GUCY1A2: variants seen among roughly 807,000 people sequenced by gnomAD.
The protein encoded by GUCY1A2 is guanylate cyclase soluble subunit alpha-2.
Under a neutral mutation model 63.5 loss-of-function variants are expected in GUCY1A2, and 27 were observed. The observed-to-expected ratio is 0.43, with a 90% confidence interval of 0.31 to 0.59. GUCY1A2 has a LOEUF of 0.59. Ranked by LOEUF, GUCY1A2 falls within the 20% of genes least tolerant of loss-of-function variation. The pLI is 0.11. For synonymous variants in GUCY1A2, 364 were observed against 343.5 expected (o/e 1.06, Z -0.66); for missense variants, 768 against 913.3 (o/e 0.84, Z 2.05).
chr11:106,923,083 T>C (rs540672581), intron 4 of GUCY1A2, among the ~76,000 whole-genome samples: 1 of 152,278 alleles, frequency 6.6e-6, no homozygotes, highest in African/African-American at 2.4e-5. Flanking sequence ...ATGATTTCAT[T>C]AGGGTTTTCT....
chr11:106,907,763 C>A (rs1194991234), intron 4 of GUCY1A2, among the ~76,000 whole-genome samples: 1 of 152,064 alleles, frequency 6.6e-6, no homozygotes, highest in Non-Finnish European at 1.5e-5. Context: ...GCATAGTATT[C>A]CATGGTGTAT....
At chr11:106,725,929 G>A (rs1162447111) in intron 6 of GUCY1A2, among the ~76,000 whole-genome samples, 1 of 152,020 alleles carries the variant, frequency 6.6e-6, no homozygotes, top group Non-Finnish European at 1.5e-5. Context: ...TGGGGGCAGG[G>A]AGAGGACGAG....
intron 6 of GUCY1A2, among the ~76,000 whole-genome samples, chr11:106,736,056 C>A (rs1863584462): frequency 6.6e-6 from 1 of 152,008 alleles, no homozygotes; most frequent in African/African-American, 2.4e-5. Flanking sequence ...AGATAGTTTG[C>A]AAATATTTTC....
At position 106,687,752 on chromosome 11, in the gene GUCY1A2, A is replaced by G. The variant is rs766723435; in HGVS notation, c.1996T>C (p.Leu666=). 2.5e-6 allele frequency: 4 copies of G among 1,600,668 alleles called. No individual in the cohort carries two copies. Among genetic ancestry groups the G allele is most frequent in the Non-Finnish European group, 8.6e-7 (1 of 1,167,748 alleles). ...INVSPTTYQL[L]KREESFTFIP... ...AATGTGAAACTTTCTTCTCGTTTTA[A>G]TAATCTAAGAAGAAAATACAGAGCA... is the stretch of plus-strand genomic sequence containing the variant. The change falls in exon 8 of 8, where the codon TTA becomes CTA. Residue 666 remains leucine (L), a synonymous_variant. Transcript: ENST00000526355.
chr11:106,997,949 C>A (rs535095538), intron 1 of GUCY1A2, among the ~76,000 whole-genome samples: 4 of 152,076 alleles, frequency 2.6e-5, no homozygotes, highest in Admixed American at 2.0e-4. Context: ...CAATCTCTCA[C>A]AGTCCTGAGG....
At chr11:106,770,612 T>C (rs1864239174) in intron 6 of GUCY1A2, among the ~76,000 whole-genome samples, 1 of 151,804 alleles carries the variant, frequency 6.6e-6, no homozygotes, top group African/African-American at 2.4e-5. Flanking sequence ...AGAGAATAAT[T>C]ATTGCATAAT....
At chr11:107,008,632 G>T (rs144550572) in intron 1 of GUCY1A2, among the ~76,000 whole-genome samples, 1 of 152,030 alleles carries the variant, frequency 6.6e-6, no homozygotes, top group Non-Finnish European at 1.5e-5. Flanking sequence ...CTAGGCATGC[G>T]CATACATAGA....
intron 4 of GUCY1A2, among the ~76,000 whole-genome samples, chr11:106,894,516 T>C (rs1005561662): frequency 6.6e-6 from 1 of 152,122 alleles, no homozygotes; most frequent in Non-Finnish European, 1.5e-5. Context: ...CAAGTTCACA[T>C]GGAATGTTCA....
At chr11:106,912,862 CA>C (rs1369098864) in intron 4 of GUCY1A2, among the ~76,000 whole-genome samples, 1 of 152,146 alleles carries the variant, frequency 6.6e-6, no homozygotes, top group Non-Finnish European at 1.5e-5. Flanking sequence ...ATCAGCTCAT[CA>C]GTGAAAACTA....
intron 4 of GUCY1A2, chr11:106,824,035 T>C (rs915266059): frequency 2.9e-6 from 4 of 1,393,530 alleles, no homozygotes; most frequent in Non-Finnish European, 3.9e-6. Context: ...AGCTTTCTTA[T>C]TGTTGGCATT....
chr11:106,785,703 T>A (rs1021372430), intron 5 of GUCY1A2, among the ~76,000 whole-genome samples: 1 of 152,016 alleles, frequency 6.6e-6, no homozygotes, highest in Non-Finnish European at 1.5e-5. Flanking sequence ...CAGAAGGTAT[T>A]TGTTAAAAAT....
At chr11:106,954,029 T>C (rs1456448267) in intron 3 of GUCY1A2, among the ~76,000 whole-genome samples, 1 of 152,170 alleles carries the variant, frequency 6.6e-6, no homozygotes. Flanking sequence ...TCTTCTCTGA[T>C]CTTAGTTATC....
At chr11:106,953,079 G>C (rs966395451) in intron 3 of GUCY1A2, among the ~76,000 whole-genome samples, 1 of 152,168 alleles carries the variant, frequency 6.6e-6, no homozygotes, top group Non-Finnish European at 1.5e-5. Context: ...GAATAGGAGT[G>C]GTGAGAGAGG....
At chr11:106,817,910 C>G (rs971130245) in intron 4 of GUCY1A2, among the ~76,000 whole-genome samples, 6 of 152,040 alleles carry the variant, frequency 3.9e-5, no homozygotes, top group African/African-American at 7.2e-5. Context: ...GAAATTAGTA[C>G]AGCCATGATG....
At chr11:106,919,153 T>A (rs1472528297) in intron 4 of GUCY1A2, among the ~76,000 whole-genome samples, 1 of 152,198 alleles carries the variant, frequency 6.6e-6, no homozygotes, top group Non-Finnish European at 1.5e-5. Context: ...AGCGTGATTA[T>A]ATATTGTTAT....
chr11:106,989,107 C>G (rs1246803951), intron 1 of GUCY1A2, among the ~76,000 whole-genome samples: 1 of 152,198 alleles, frequency 6.6e-6, no homozygotes, highest in Admixed American at 6.5e-5. Context: ...TGTCTATCCT[C>G]TTCTTTAAGA....
intron 4 of GUCY1A2, among the ~76,000 whole-genome samples, chr11:106,884,662 C>T (rs1021125601): frequency 6.6e-6 from 1 of 151,996 alleles, no homozygotes; most frequent in South Asian, 2.1e-4. Flanking sequence ...AGTAGAGAGT[C>T]TTCAATAATG....
chr11:106,802,917 A>T (rs896714040), intron 5 of GUCY1A2, among the ~76,000 whole-genome samples: 1 of 152,072 alleles, frequency 6.6e-6, no homozygotes, highest in Non-Finnish European at 1.5e-5. Context: ...ATAAATATTC[A>T]GTTCATACTG....
At chr11:107,014,181 C>T (rs994164750) in intron 1 of GUCY1A2, among the ~76,000 whole-genome samples, 25 of 148,054 alleles carry the variant, frequency 1.7e-4, no homozygotes, top group African/African-American at 6.1e-4. Flanking sequence ...CTCTGCCTCC[C>T]GGGTTCAAGC....
Sources: allele counts gnomAD v4.1 joint callset (sites outside exome capture counted in the v4.1 genomes callset), GRCh38; gene constraint gnomAD v4.1.1; transcripts MANE v1.5; gene names NCBI Gene and HGNC (gene_info 2026-07-23, HGNC 2026-07-21).